MACROH2A2: variants seen among roughly 807,000 people sequenced by gnomAD.
MACROH2A2 encodes core histone macro-H2A.2.
MACROH2A2 carries 6 observed loss-of-function variants against 37.6 expected under a neutral mutation model. The ratio of observed to expected loss-of-function variants is 0.16; its 90% CI spans 0.09 to 0.32. The LOEUF (loss-of-function observed/expected upper bound fraction) is 0.32, where lower values mean the gene tolerates loss of function less well. MACROH2A2 is among the 10% of genes least tolerant of loss of function. MACROH2A2 has a pLI of 1.00. For missense variants in MACROH2A2, 290 were observed against 485.9 expected, an observed-to-expected ratio of 0.60 and a Z score of 3.79; for synonymous variants, 192 against 202.7, an observed-to-expected ratio of 0.95 and a Z score of 0.45.
At chr10:70,080,925 G>T (rs1040182604) in intron 2 of MACROH2A2, among the ~76,000 whole-genome samples, 35 of 147,406 alleles carry the variant, frequency 2.4e-4, no homozygotes, top group Admixed American at 9.5e-4. Flanking sequence ...CTAACTGGGT[G>T]TGGTGGCATG....
At position 70,111,667 on chromosome 10, in the gene MACROH2A2, A is replaced by G; in HGVS notation, c.1103A>G (p.Lys368Arg). 6.2e-7 allele frequency: 1 copy of G among 1,608,318 alleles called. No homozygotes were observed. Among genetic ancestry groups the G allele is most frequent in the Non-Finnish European group, 8.5e-7 (1 of 1,176,776 alleles). The change falls in exon 9 of 9, where the codon AAG becomes AGG. Residue 368 changes from lysine to arginine, a missense_variant. Lys to Arg is a conservative substitution (Grantham distance 26). Coordinates refer to ENST00000373255, the MANE Select transcript of MACROH2A2 (RefSeq NM_018649.3). The stretch of plus-strand genomic sequence containing the variant: ...GGCATCTACGTGCAGGAGATGGCCA[A>G]GCTCGACGCCAAGTAGCCGCCGCAC... ...SIGIYVQEMA[K>R]LDAK
intron 2 of MACROH2A2, among the ~76,000 whole-genome samples, chr10:70,085,298 A>G (rs1012340973): frequency 1.3e-5 from 2 of 152,150 alleles, no homozygotes; most frequent in Non-Finnish European, 2.9e-5. Context: ...TATCTGGGTG[A>G]TATCATGGGA....
intron 1 of MACROH2A2, among the ~76,000 whole-genome samples, chr10:70,055,846 T>C (rs2072012880): frequency 6.6e-6 from 1 of 152,162 alleles, no homozygotes; most frequent in Non-Finnish European, 1.5e-5. Flanking sequence ...TTCATTGCAA[T>C]TTTGGTCATT....
chr10:70,090,651 C>T, intron 3 of MACROH2A2, among the ~76,000 whole-genome samples: 1 of 152,140 alleles, frequency 6.6e-6, no homozygotes, highest in East Asian at 1.9e-4. Context: ...TTTCATTTAT[C>T]TTTATTTTCT....
In MACROH2A2 at chr10:70,111,760, GA is replaced by G; in HGVS notation, c.*78del. On this transcript the variant is annotated 3_prime_UTR_variant, in exon 9 of 9. Coordinates refer to ENST00000373255, the MANE Select transcript of MACROH2A2 (RefSeq NM_018649.3). ...GGTTTTGCTTTTTAAAAGGAGAGAG[GA>G]GGGGTGATGGCAGGGGAGTGGAGGG... 7.6e-7 allele frequency: 1 copy of G among 1,312,218 alleles called. No individual in the cohort carries two copies. The highest frequency in any genetic ancestry group is 2.5e-5 in the Admixed American group (1 of 40,482). 81.3% of individuals were successfully genotyped at this position (1,312,218 alleles called of 1,614,324 possible).
At chr10:70,091,327 G>T (rs1028075075) in intron 3 of MACROH2A2, among the ~76,000 whole-genome samples, 30 of 152,214 alleles carry the variant, frequency 2.0e-4, no homozygotes, top group African/African-American at 7.0e-4. Flanking sequence ...CCAATTAAAT[G>T]GTGTATTACG....
At chr10:70,056,438 C>T (rs1444519153) in intron 1 of MACROH2A2, among the ~76,000 whole-genome samples, 2 of 152,126 alleles carry the variant, frequency 1.3e-5, no homozygotes, top group African/African-American at 4.8e-5. Flanking sequence ...GCCACCATGC[C>T]CGGCCAAGTT....
chr10:70,091,274 G>A (rs539901123), intron 3 of MACROH2A2, among the ~76,000 whole-genome samples: 3 of 152,208 alleles, frequency 2.0e-5, no homozygotes, highest in Non-Finnish European at 2.9e-5. Context: ...AGGATGCCTT[G>A]TTAACCTACG....
intron 1 of MACROH2A2, among the ~76,000 whole-genome samples, chr10:70,054,496 G>A (rs1342907945): frequency 6.6e-6 from 1 of 152,144 alleles, no homozygotes; most frequent in Non-Finnish European, 1.5e-5. Flanking sequence ...TCCTCACTTT[G>A]CTCATTTGTG....
At chr10:70,067,565 T>G (rs1220396392) in intron 1 of MACROH2A2, among the ~76,000 whole-genome samples, 1 of 152,152 alleles carries the variant, frequency 6.6e-6, no homozygotes, top group Non-Finnish European at 1.5e-5. Context: ...ACCATGTAAA[T>G]GGAGTTTAAC....
rs755224306 is a variant in MACROH2A2 at position 70,111,632 on chromosome 10, C to T, written c.1068C>T (p.Ser356=). ...LKNVYFLLFD[S]ESIGIYVQEM... ...ACGTGTACTTCCTGCTCTTCGACAG[C>T]GAGAGCATCGGCATCTACGTGCAGG... is the stretch of plus-strand genomic sequence containing the variant. The change falls in exon 9 of 9, where the codon AGC becomes AGT. Residue 356 remains serine, a synonymous_variant. Coordinates refer to ENST00000373255, the MANE Select transcript of MACROH2A2 (RefSeq NM_018649.3). 29 of 1,613,016 alleles carry T rather than the reference C, an allele frequency of 1.8e-5. No individual in the cohort carries two copies. Among genetic ancestry groups the T allele is most frequent in the African/African-American group, 4.0e-5 (3 of 74,896 alleles).
intron 1 of MACROH2A2, among the ~76,000 whole-genome samples, chr10:70,060,233 A>G (rs1255253554): frequency 2.6e-5 from 4 of 151,884 alleles, no homozygotes; most frequent in Non-Finnish European, 2.9e-5. Context: ...AGGGGGGCAC[A>G]GTGGTGGGCG....
At chr10:70,102,317 A>G (rs2072311172) in intron 7 of MACROH2A2, among the ~76,000 whole-genome samples, 2 of 152,226 alleles carry the variant, frequency 1.3e-5, no homozygotes. Context: ...AGCAGCCAAG[A>G]TGAGTCTGGG....
intron 1 of MACROH2A2, among the ~76,000 whole-genome samples, chr10:70,072,576 C>A (rs1007768575): frequency 2.6e-5 from 4 of 152,184 alleles, no homozygotes; most frequent in African/African-American, 9.7e-5. Context: ...ATGTGCTAGA[C>A]TTTTATATGA....
chr10:70,100,617 C>CTT (rs34180859), intron 7 of MACROH2A2, among the ~76,000 whole-genome samples: 73,011 of 137,848 alleles, frequency 0.53, 21,256 homozygotes, highest in Admixed American at 0.65. Flanking sequence ...ATGTTTTGTT[C>CTT]TTTTTTTTTT....
intron 7 of MACROH2A2, among the ~76,000 whole-genome samples, chr10:70,101,227 G>A (rs2072305121): frequency 6.6e-6 from 1 of 152,212 alleles, no homozygotes; most frequent in Admixed American, 6.5e-5. Context: ...ATGAGGATGT[G>A]GGGGTCGAAA....
Position 70,053,186 on chromosome 10 carries a change from C to T in MACROH2A2, c.-60+186C>T, listed in dbSNP as rs1163332890. Among the ~76,000 whole-genome samples the T allele has an allele frequency of 6.6e-6, 1 of 152,212 alleles. No individual in the cohort carries two copies. The highest frequency in any genetic ancestry group is 1.5e-5 in the Non-Finnish European group (1 of 68,032). Reference sequence around the variant, plus strand: ...CAAATTCTTAAATCCAGCTGCCCAACTTGCTTCCTTGGGCGATAAAGGGGG... The same window carrying T: ...CAAATTCTTAAATCCAGCTGCCCAATTTGCTTCCTTGGGCGATAAAGGGGG... On this transcript the variant is annotated intron_variant, in intron 1 of 8. Transcript: ENST00000373255. This position sits in a 1 kb window ranked among gnomAD's most constrained non-coding sequence, Gnocchi z 4.8.
At chr10:70,090,267 T>TA (rs1317990900) in intron 3 of MACROH2A2, 101 bp downstream of exon 3, 1 of 728,806 alleles carries the variant, frequency 1.4e-6, no homozygotes, top group Non-Finnish European at 2.4e-6. Context: ...AGTTCCCAAT[T>TA]ACATTTATAC....
chr10:70,110,065 A>G (rs1289968858), intron 8 of MACROH2A2, among the ~76,000 whole-genome samples: 3 of 152,208 alleles, frequency 2.0e-5, no homozygotes, highest in African/African-American at 7.2e-5. Flanking sequence ...GGCAAGCAGC[A>G]TTGAGTCTCA....
Sources: allele counts gnomAD v4.1 joint callset (sites outside exome capture counted in the v4.1 genomes callset), GRCh38; gene constraint gnomAD v4.1.1; non-coding constraint Gnocchi (gnomAD v3.1); transcripts MANE v1.5; gene names NCBI Gene and HGNC (gene_info 2026-07-23, HGNC 2026-07-21).